MBNL1: variants seen among roughly 807,000 people sequenced by gnomAD.
MBNL1 encodes muscleblind like splicing regulator 1, also known as muscleblind-like protein 1.
In MBNL1, 8 loss-of-function variants were observed where a neutral mutation model predicts 42.2. The ratio of observed to expected loss-of-function variants is 0.19; its 90% CI spans 0.11 to 0.34. The LOEUF is 0.34. Ranked by LOEUF, MBNL1 falls within the 10% of genes least tolerant of loss-of-function variation. The pLI is 1.00. For missense variants in MBNL1, 309 were observed against 495.3 expected, an observed-to-expected ratio of 0.62 and a Z score of 3.57; for synonymous variants, 169 against 173.9, an observed-to-expected ratio of 0.97 and a Z score of 0.22.
rs908915015 is a variant in MBNL1, at chr3:152,255,568, C to T, written n.333+11128C>T. Among the ~76,000 whole-genome samples the T allele has an allele frequency of 7.9e-5, 12 of 152,082 alleles. No homozygotes were observed. The East Asian group carries it at 1.5e-3, about 20-fold the overall frequency. On this transcript the variant is annotated intron_variant and non_coding_transcript_variant, in intron 2 of 2. Coordinates refer to the MBNL1 transcript ENST00000477171. ...TATATCAAGCAGTATACTTTGGGCA[C>T]TATTTTAGGTGCTGGGGAAATAGTT...
chr3:152,381,239 A>T (rs937089593), intron 2 of MBNL1, among the ~76,000 whole-genome samples: 1 of 152,060 alleles, frequency 6.6e-6, no homozygotes, highest in African/African-American at 2.4e-5. Flanking sequence ...GGAAATGTGT[A>T]CAAATATGGC....
chr3:152,419,821 G>A (rs984797268), intron 3 of MBNL1, among the ~76,000 whole-genome samples: 2 of 152,080 alleles, frequency 1.3e-5, no homozygotes, highest in African/African-American at 2.4e-5. Context: ...CTTGCTCAGC[G>A]GACCCCACCC....
chr3:152,288,276 A>G (rs2053769126), intron 1 of MBNL1, among the ~76,000 whole-genome samples: 1 of 152,244 alleles, frequency 6.6e-6, no homozygotes, highest in South Asian at 2.1e-4. Flanking sequence ...GCAAAGGCAT[A>G]ATCATATAAG....
intron 2 of MBNL1, among the ~76,000 whole-genome samples, chr3:152,313,410 G>A (rs1346201645): frequency 6.6e-6 from 1 of 152,150 alleles, no homozygotes; most frequent in Non-Finnish European, 1.5e-5. Context: ...ATACCATAGT[G>A]ACTTCCTAGT....
intron 2 of MBNL1, among the ~76,000 whole-genome samples, chr3:152,376,835 T>A (rs1362981402): frequency 6.6e-6 from 1 of 152,068 alleles, no homozygotes; most frequent in Non-Finnish European, 1.5e-5. Context: ...CACATACATA[T>A]ATATCTCTTC....
intron 2 of MBNL1, chr3:152,338,457 C>A: frequency 2.0e-6 from 2 of 985,384 alleles, no homozygotes; most frequent in Non-Finnish European, 2.4e-6. Context: ...GCCCTCTACA[C>A]TTGCTTTCAG....
chr3:152,455,841 A>C (rs897960182), intron 7 of MBNL1, among the ~76,000 whole-genome samples: 7 of 152,238 alleles, frequency 4.6e-5, no homozygotes, highest in Non-Finnish European at 1.0e-4. Context: ...CTATTTCATA[A>C]AAGTAATATA....
intron 2 of MBNL1, among the ~76,000 whole-genome samples, chr3:152,406,617 A>C (rs575567175): frequency 6.6e-6 from 1 of 152,264 alleles, no homozygotes; most frequent in South Asian, 2.1e-4. Flanking sequence ...GATTAATGGG[A>C]ATTGTGCAAT....
chr3:152,355,965 C>T (rs759608918), intron 2 of MBNL1, among the ~76,000 whole-genome samples: 12 of 152,136 alleles, frequency 7.9e-5, no homozygotes, highest in Non-Finnish European at 5.9e-5. Flanking sequence ...CCAGCGTGGC[C>T]TTATACCTTA....
At chr3:152,337,985 T>A in intron 2 of MBNL1, 5 of 660,076 alleles carry the variant, frequency 7.6e-6, no homozygotes, top group Non-Finnish European at 7.3e-6. Context: ...ATCAGCACCC[T>A]GGGATTTTTT....
intron 2 of MBNL1, among the ~76,000 whole-genome samples, chr3:152,368,627 G>C (rs1400604620): frequency 1.3e-5 from 2 of 152,160 alleles, no homozygotes; most frequent in African/African-American, 2.4e-5. Flanking sequence ...TCATGATATT[G>C]ATTCTTCCTT....
chr3:152,388,413 T>TA (rs752138040), intron 2 of MBNL1, among the ~76,000 whole-genome samples: 33 of 152,362 alleles, frequency 2.2e-4, no homozygotes, highest in East Asian at 1.7e-3. Context: ...GAGAATAGTA[T>TA]AATAAATGTC....
In MBNL1 at chr3:152,385,130, T is replaced by C. The variant is rs538251843; in HGVS notation, c.175-29811T>C. Among the ~76,000 whole-genome samples the C allele has an allele frequency of 3.3e-5, 5 of 152,234 alleles. No homozygotes were observed. In the South Asian group the frequency reaches 1.0e-3, roughly 32 times the overall value. On this transcript the variant is annotated intron_variant, in intron 2 of 9. Transcript: ENST00000324210. ...TTTGAGATGTGATTTGCATCTTTGC[T>C]GTAATTTGAAAGACAAATGGCTTAA...
chr3:152,270,516 G>A lies in MBNL1; in HGVS notation c.-790+1424G>A, dbSNP rs145355488. Among the ~76,000 whole-genome samples the A allele has an allele frequency of 3.5e-3, 530 of 152,254 alleles. 14 individuals are homozygous for A. The highest frequency in any genetic ancestry group is 0.032 in the Admixed American group (493 of 15,298). ...TCTGTGTGGATTCCTAAGTGTGTTG[G>A]TGTTTCTCCTTGCTGTTGAGATAAA... On this transcript the variant is annotated intron_variant, in intron 1 of 9. Coordinates refer to ENST00000324210, the MANE Select transcript of MBNL1 (RefSeq NM_021038.5).
chr3:152,388,321 T>C (rs1268600357), intron 2 of MBNL1, among the ~76,000 whole-genome samples: 1 of 152,198 alleles, frequency 6.6e-6, no homozygotes, highest in African/African-American at 2.4e-5. Context: ...CATTTGGGAA[T>C]TTACAAAGGT....
chr3:152,434,030 G>T (rs2099045200), intron 4 of MBNL1, among the ~76,000 whole-genome samples: 1 of 152,076 alleles, frequency 6.6e-6, no homozygotes, highest in East Asian at 1.9e-4. Flanking sequence ...CTTTTCCCTG[G>T]TGAGGATGAG....
chr3:152,457,393 G>A (rs565678210), intron 8 of MBNL1, among the ~76,000 whole-genome samples: 20 of 152,340 alleles, frequency 1.3e-4, no homozygotes, highest in Non-Finnish European at 2.1e-4. Context: ...TCCCCCTTGG[G>A]AAGGGAAGAC....
At chr3:152,402,515 G>A (rs2098270811) in intron 2 of MBNL1, among the ~76,000 whole-genome samples, 1 of 152,076 alleles carries the variant, frequency 6.6e-6, no homozygotes, top group Non-Finnish European at 1.5e-5. Flanking sequence ...TCAACTCCTG[G>A]GACTGTTTCT....
intron 2 of MBNL1, among the ~76,000 whole-genome samples, chr3:152,326,345 T>C (rs1199467649): frequency 6.6e-6 from 1 of 152,200 alleles, no homozygotes; most frequent in South Asian, 2.1e-4. Context: ...AGGTTCTGTA[T>C]ACTTTCTATT....
Sources: allele counts gnomAD v4.1 joint callset (sites outside exome capture counted in the v4.1 genomes callset), GRCh38; gene constraint gnomAD v4.1.1; transcripts MANE v1.5; gene names NCBI Gene and HGNC (gene_info 2026-07-23, HGNC 2026-07-21).